The following CCDC171 variants were observed in gnomAD, a reference collection of about 807,000 sequenced individuals.
CCDC171 encodes the protein coiled-coil domain containing 171, also known as coiled-coil domain-containing protein 171.
Under a neutral mutation model 168.2 loss-of-function variants are expected in CCDC171, and 177 were observed. The observed-to-expected ratio is 1.05, with a 90% CI of 0.93 to 1.19. The LOEUF (loss-of-function observed/expected upper bound fraction) is 1.19, where lower values mean the gene tolerates loss of function less well. Ranked by LOEUF, CCDC171 falls within the 50% of genes most tolerant of loss-of-function variation. The probability of loss-of-function intolerance (pLI) is 0.00; values close to 1 mark genes in which losing one functional copy is unlikely to be tolerated. For synonymous variants in CCDC171, 687 were observed against 540.8 expected (o/e 1.27, Z -3.75); for missense variants, 1,991 against 1,539.0 (o/e 1.29, Z -4.91).
At chr9:15,673,587 A>C (rs1032248473) in intron 9 of CCDC171, among the ~76,000 whole-genome samples, 10 of 152,120 alleles carry the variant, frequency 6.6e-5, no homozygotes, top group East Asian at 3.9e-4. Context: ...AAGGCCTTTT[A>C]TGCATCTATT....
At position 15,826,300 on chromosome 9, in the gene CCDC171, A is replaced by AC. The variant is rs1385802721; in HGVS notation, c.3268-20402_3268-20401insC. ...TCTTTCGTTCTTCTGAGATCTTCAT[A>AC]TTTTTTTCATTTGTTTTTGTTGATC... On this transcript the variant is annotated intron_variant, in intron 21 of 25. Transcript: ENST00000380701. 7.5e-5 allele frequency among the ~76,000 whole-genome samples: 11 copies of AC among 146,824 alleles called. No individual in the cohort carries two copies. The East Asian group carries it at 2.2e-3, about 29-fold the overall frequency.
chr9:15,962,226 A>G (rs575897477), intron 25 of CCDC171, among the ~76,000 whole-genome samples: 15 of 152,312 alleles, frequency 9.8e-5, no homozygotes, highest in African/African-American at 3.6e-4. Flanking sequence ...AGCTCTTTAC[A>G]AAGGTCTGAC....
intron 24 of CCDC171, among the ~76,000 whole-genome samples, chr9:15,908,416 AAC>A (rs1205913471): frequency 6.6e-6 from 1 of 151,974 alleles, no homozygotes; most frequent in African/African-American, 2.4e-5. Context: ...GAAAAAACAA[AAC>A]ACTGCATGTT....
At chr9:16,080,604 CTCA>C in the CCDC171 span, among the ~76,000 whole-genome samples, 2 of 152,208 alleles carry the variant, frequency 1.3e-5, no homozygotes, top group Non-Finnish European at 2.9e-5. Flanking sequence ...TTCCAATCTA[CTCA>C]TCTTTCGTGA....
intron 11 of CCDC171, among the ~76,000 whole-genome samples, chr9:15,701,066 G>C (rs77977409): frequency 6.6e-6 from 1 of 152,010 alleles, no homozygotes; most frequent in African/African-American, 2.4e-5. Context: ...TGTCCTTTGC[G>C]TGCTTTTTAC....
intron 21 of CCDC171, among the ~76,000 whole-genome samples, chr9:15,809,900 A>G (rs1156273635): frequency 1.3e-5 from 2 of 152,138 alleles, no homozygotes; most frequent in East Asian, 2.0e-4. Context: ...TTTTACAGAG[A>G]GATGATTGGT....
At chr9:15,805,843 G>C (rs2059047363) in intron 21 of CCDC171, among the ~76,000 whole-genome samples, 1 of 152,008 alleles carries the variant, frequency 6.6e-6, no homozygotes, top group Non-Finnish European at 1.5e-5. Flanking sequence ...ATTGTCAACG[G>C]GGTATTAAAG....
chr9:16,015,291 T>C (rs917571573), intron 3 of CCDC171, among the ~76,000 whole-genome samples: 1 of 152,184 alleles, frequency 6.6e-6, no homozygotes, highest in African/African-American at 2.4e-5. Context: ...CAAATCTTTC[T>C]TCTGCAACTT....
At chr9:15,587,655 A>C (rs1172441288) in intron 4 of CCDC171, 3 of 456,604 alleles carry the variant, frequency 6.6e-6, no homozygotes, top group Middle Eastern at 6.5e-4. Flanking sequence ...GCGAAGACTA[A>C]AGTTGTTAAC....
At chr9:15,806,216 G>A (rs1470599117) in intron 21 of CCDC171, among the ~76,000 whole-genome samples, 1 of 152,028 alleles carries the variant, frequency 6.6e-6, no homozygotes, top group African/African-American at 2.4e-5. Context: ...TTCAATTGGG[G>A]CATTTAGCCC....
rs750374416 is a variant in CCDC171 at position 15,591,526 on chromosome 9, A to G, written c.513A>G (p.Lys171=). 1.3e-6 allele frequency: 2 copies of G among 1,585,128 alleles called. No individual in the cohort carries two copies. The highest frequency in any genetic ancestry group is 1.7e-6 in the Non-Finnish European group (2 of 1,167,704). The change falls in exon 5 of 26, where the codon AAA becomes AAG. Residue 171 remains lysine (K), a synonymous_variant. Coordinates refer to ENST00000380701, the MANE Select transcript of CCDC171 (RefSeq NM_173550.4). Reference sequence around the variant, plus strand: ...ATCGAGAATATGATTTACTTATGAAAGAAAAAAGCAGACTAGAGAAAACTC... The same window carrying G: ...ATCGAGAATATGATTTACTTATGAAGGAAAAAAGCAGACTAGAGAAAACTC... ...NCNREYDLLM[K]EKSRLEKTLQ...
At chr9:15,595,069 T>C (rs1348843109) in intron 6 of CCDC171, among the ~76,000 whole-genome samples, 1 of 152,200 alleles carries the variant, frequency 6.6e-6, no homozygotes, top group Non-Finnish European at 1.5e-5. Flanking sequence ...ATATAATACA[T>C]TTTGGAGTAA....
intron 7 of CCDC171, among the ~76,000 whole-genome samples, chr9:15,650,288 T>A (rs2047407587): frequency 6.6e-6 from 1 of 151,986 alleles, no homozygotes; most frequent in African/African-American, 2.4e-5. Context: ...TTAACAGATA[T>A]ACCTAATGTA....
chr9:15,632,514 A>T (rs2045809435), intron 7 of CCDC171, among the ~76,000 whole-genome samples: 1 of 152,184 alleles, frequency 6.6e-6, no homozygotes, highest in Non-Finnish European at 1.5e-5. Context: ...GCTCAACAAA[A>T]TAAAAGAGGA....
chr9:15,593,060 C>A (rs796281008), intron 5 of CCDC171, among the ~76,000 whole-genome samples: 1 of 151,546 alleles, frequency 6.6e-6, no homozygotes, highest in Admixed American at 6.6e-5. Context: ...GTGTGATGTT[C>A]CCCTTCACTA....
intron 18 of CCDC171, among the ~76,000 whole-genome samples, chr9:15,746,448 G>A (rs1359098890): frequency 6.6e-6 from 1 of 152,212 alleles, no homozygotes; most frequent in African/African-American, 2.4e-5. Flanking sequence ...ATGTTGGTAA[G>A]CAATGCGCAT....
chr9:15,688,118 CAAAAAAAA>C (rs33945014), intron 10 of CCDC171, among the ~76,000 whole-genome samples: 5 of 94,914 alleles, frequency 5.3e-5, no homozygotes, highest in African/African-American at 7.8e-5. Context: ...GACTCCATCT[CAAAAAAAA>C]AAAAAAAAAA....
In CCDC171 at chr9:15,815,498, G is replaced by A. The variant is rs1158373502; in HGVS notation, c.3267+30804G>A. On this transcript the variant is annotated intron_variant, in intron 21 of 25. Transcript: ENST00000380701. Reference sequence around the variant, plus strand: ...ATCATTATACTAATTCTGGCAGAGGGTAACATTTTGTGATTATTTACCTCC... The same window carrying A: ...ATCATTATACTAATTCTGGCAGAGGATAACATTTTGTGATTATTTACCTCC... Among the ~76,000 whole-genome samples, 2 of 111,072 alleles carry A rather than the reference G, an allele frequency of 1.8e-5. 1 individual carries two copies. Among genetic ancestry groups the A allele is most frequent in the Admixed American group, 1.7e-4 (2 of 11,570 alleles). 72.9% of individuals were successfully genotyped at this position (111,072 alleles called of 152,430 possible). A position where few individuals can be genotyped will look rare whatever the true frequency, so the allele number is the denominator to read the frequency against.
chr9:15,706,269 C>G (rs1358171173), intron 11 of CCDC171, among the ~76,000 whole-genome samples: 1 of 151,036 alleles, frequency 6.6e-6, no homozygotes, highest in Non-Finnish European at 1.5e-5. Flanking sequence ...TCCTTCCTTC[C>G]TTTCTTCCTT....
Sources: gnomAD v4.1 joint callset for allele counts (sites outside exome capture counted in the v4.1 genomes callset) on GRCh38, gnomAD v4.1.1 for gene constraint, MANE v1.5 for transcripts, NCBI Gene and HGNC (gene_info 2026-07-23, HGNC 2026-07-21) for gene names.